TENM3: variants seen among roughly 807,000 people sequenced by gnomAD.
The protein encoded by TENM3 is teneurin-3.
A neutral mutation model predicts 255.1 loss-of-function variants in TENM3; 63 were observed. That is an observed-to-expected ratio of 0.25 (90% confidence interval 0.20 to 0.30). TENM3 has a LOEUF of 0.30. TENM3 is among the 10% of genes least tolerant of loss of function. The pLI, the probability that TENM3 is intolerant of heterozygous loss-of-function variation, is 1.00. For missense variants in TENM3, 2,929 were observed against 3,461.1 expected (o/e 0.85, Z 3.86); for synonymous variants, 1,306 against 1,322.3 (o/e 0.99, Z 0.27).
At chr4:182,115,306 G>A in the TENM3 span, among the ~76,000 whole-genome samples, 1 of 152,134 alleles carries the variant, frequency 6.6e-6, no homozygotes, top group Non-Finnish European at 1.5e-5. Flanking sequence ...TACTACCCTT[G>A]GTGCTGGAAG....
intron 1 of TENM3, among the ~76,000 whole-genome samples, chr4:182,212,890 A>G (rs1755150042): frequency 6.6e-6 from 1 of 152,226 alleles, no homozygotes; most frequent in Non-Finnish European, 1.5e-5. Context: ...AAGGCAGACA[A>G]TAGGAGGCAA....
intron 3 of TENM3, among the ~76,000 whole-genome samples, chr4:182,439,721 G>A (rs1031884304): frequency 2.0e-5 from 3 of 152,254 alleles, no homozygotes; most frequent in Admixed American, 6.5e-5. Context: ...CCTTTAGATC[G>A]AAAATTGCTT....
chr4:181,738,482 G>A, the TENM3 span, among the ~76,000 whole-genome samples: 5 of 152,050 alleles, frequency 3.3e-5, no homozygotes, highest in African/African-American at 7.2e-5. Flanking sequence ...TGTCCCCATC[G>A]TCTATAACCT....
At chr4:181,485,267 A>G in the TENM3 span, among the ~76,000 whole-genome samples, 66,288 of 151,994 alleles carry the variant, frequency 0.44, 15,383 homozygotes, top group African/African-American at 0.61. Flanking sequence ...GCATTAAAAT[A>G]AGGACACTTT....
chr4:181,464,052 T>C, the TENM3 span, among the ~76,000 whole-genome samples: 101 of 152,318 alleles, frequency 6.6e-4, no homozygotes, highest in African/African-American at 2.1e-3. Context: ...CATTTATAAT[T>C]TGATGGACAG....
At chr4:182,660,349 G>A (rs750086276) in intron 6 of TENM3, among the ~76,000 whole-genome samples, 2 of 152,166 alleles carry the variant, frequency 1.3e-5, no homozygotes, top group Non-Finnish European at 2.9e-5. Context: ...CAAAGTACTA[G>A]TATAGAATAG....
the TENM3 span, among the ~76,000 whole-genome samples, chr4:181,708,560 A>G: frequency 8.0e-6 from 1 of 124,938 alleles, no homozygotes; most frequent in African/African-American, 2.9e-5. Context: ...TCTGTCTTTA[A>G]AATAACTGAA....
intron 1 of TENM3, among the ~76,000 whole-genome samples, chr4:182,231,352 C>T (rs1222563609): frequency 1.3e-5 from 2 of 151,980 alleles, no homozygotes; most frequent in Non-Finnish European, 2.9e-5. Context: ...ACTTAGATAA[C>T]CCCAGGAGAA....
At chr4:182,239,201 C>T (rs1470742641), upstream of TENM3, among the ~76,000 whole-genome samples, 5 of 151,914 alleles carry the variant, frequency 3.3e-5, no homozygotes, top group East Asian at 1.9e-4. Flanking sequence ...CTTAGCCTCC[C>T]GAGTAGCTGG....
chr4:181,511,229 C>A, the TENM3 span, among the ~76,000 whole-genome samples: 90 of 152,300 alleles, frequency 5.9e-4, no homozygotes, highest in Middle Eastern at 6.8e-3. Flanking sequence ...AGAGGAACAG[C>A]TATTTTTATC....
At chr4:182,210,128 C>T (rs532045715) in intron 1 of TENM3, among the ~76,000 whole-genome samples, 3 of 152,298 alleles carry the variant, frequency 2.0e-5, no homozygotes, top group Admixed American at 2.0e-4. Context: ...ATGCCACACC[C>T]TGCTTTTCTC....
chr4:182,743,070 G>C (rs1761725701), intron 18 of TENM3, 100 bp from the exon 19 acceptor site: 15 of 1,264,916 alleles, frequency 1.2e-5, no homozygotes. Context: ...ATCCAGACCT[G>C]ACAGGCATTG....
At chr4:182,764,308 A>C (rs1763482528) in intron 22 of TENM3, among the ~76,000 whole-genome samples, 1 of 152,228 alleles carries the variant, frequency 6.6e-6, no homozygotes, top group Non-Finnish European at 1.5e-5. Context: ...AGAATTTATT[A>C]TGTGCCAGCT....
chr4:182,472,079 A>G (rs1248103407), intron 3 of TENM3, among the ~76,000 whole-genome samples: 8 of 152,214 alleles, frequency 5.3e-5, no homozygotes, highest in Admixed American at 5.2e-4. Context: ...AGTAAATTAT[A>G]GAGCAGAGGC....
the TENM3 span, among the ~76,000 whole-genome samples, chr4:181,835,563 A>G: frequency 6.6e-6 from 1 of 152,174 alleles, no homozygotes; most frequent in African/African-American, 2.4e-5. Context: ...CTTGGCGACC[A>G]ATGTAATCAT....
chr4:182,312,485 GAAT>G, intron 1 of TENM3, among the ~76,000 whole-genome samples: 1 of 152,228 alleles, frequency 6.6e-6, no homozygotes, highest in Non-Finnish European at 1.5e-5. Flanking sequence ...ACTTCAATCA[GAAT>G]AAGACATCTG....
At chr4:182,664,052 T>A (rs567010716) in intron 6 of TENM3, among the ~76,000 whole-genome samples, 4 of 152,346 alleles carry the variant, frequency 2.6e-5, no homozygotes, top group African/African-American at 9.6e-5. Context: ...CCTTTGATAC[T>A]ATAATTTTGT....
chr4:181,975,841 C>T, the TENM3 span: 1 of 152,172 alleles, frequency 6.6e-6, no homozygotes, highest in African/African-American at 2.4e-5. Flanking sequence ...TCTGCCATAA[C>T]AAAGTACCAC....
the TENM3 span, among the ~76,000 whole-genome samples, chr4:181,994,317 C>T: frequency 9.9e-4 from 151 of 152,158 alleles, no homozygotes; most frequent in African/African-American, 3.5e-3. Context: ...TCAAATCATT[C>T]AGATGCCTTT....
Sources: allele counts gnomAD v4.1 joint callset (sites outside exome capture counted in the v4.1 genomes callset), GRCh38; gene constraint gnomAD v4.1.1; transcripts MANE v1.5; gene names NCBI Gene and HGNC (gene_info 2026-07-23, HGNC 2026-07-21).